SND1: variants seen among roughly 807,000 people sequenced by gnomAD.
SND1 encodes staphylococcal nuclease domain-containing protein 1.
In SND1, 38 loss-of-function variants were observed where a neutral mutation model predicts 121.7. The ratio of observed to expected loss-of-function variants is 0.31; its 90% CI spans 0.24 to 0.41. SND1 has a LOEUF of 0.41. Among genes scored for constraint, SND1 ranks in the 10% least tolerant of loss-of-function variants. The probability of loss-of-function intolerance (pLI) is 1.00; values close to 1 mark genes in which losing one functional copy is unlikely to be tolerated. For synonymous variants in SND1, 401 were observed against 447.4 expected (o/e 0.90, Z 1.31); for missense variants, 868 against 1,184.6 (o/e 0.73, Z 3.92).
At chr7:127,923,861 C>G (rs1800774114) in intron 14 of SND1, among the ~76,000 whole-genome samples, 1 of 152,126 alleles carries the variant, frequency 6.6e-6, no homozygotes. Flanking sequence ...CTTCAGTATC[C>G]TTAACGATTT....
intron 16 of SND1, chr7:128,031,912 G>A (rs1209265051): frequency 6.6e-6 from 1 of 151,130 alleles, no homozygotes; most frequent in Non-Finnish European, 1.5e-5. Context: ...GGCGTGAGCA[G>A]CGGGGGTCGC....
intron 8 of SND1, among the ~76,000 whole-genome samples, chr7:127,705,570 A>AAGATGTAGATGTAGATGT (rs755656199): frequency 4.8e-5 from 7 of 146,184 alleles, no homozygotes; most frequent in Non-Finnish European, 7.5e-5. Flanking sequence ...TGTCAGCGTC[A>AAGATGTAGATGTAGATGT]AGATGTAGAT....
chr7:127,909,084 T>C lies in SND1; in HGVS notation c.1527+4265T>C, dbSNP rs112048192. On this transcript the variant is annotated intron_variant, in intron 14 of 23. Transcript: ENST00000354725. ...CAATGAGTCATAGTGTATATCTGAG[T>C]TTTCTTCTCTGTCCTTTTCCTTTTG... is the stretch of plus-strand genomic sequence containing the variant. 6.1e-3 allele frequency among the ~76,000 whole-genome samples: 932 copies of C among 152,256 alleles called. 7 individuals carry two copies. Among genetic ancestry groups the C allele is most frequent in the African/African-American group, 0.021 (852 of 41,540 alleles).
intron 11 of SND1, among the ~76,000 whole-genome samples, chr7:127,808,510 A>G (rs912214374): frequency 6.6e-6 from 1 of 152,170 alleles, no homozygotes; most frequent in East Asian, 1.9e-4. Flanking sequence ...TAATACCAAA[A>G]TGGTGTATCC....
chr7:128,022,902 G>A (rs527266448), intron 16 of SND1, among the ~76,000 whole-genome samples: 26 of 152,282 alleles, frequency 1.7e-4, no homozygotes, highest in East Asian at 9.6e-4. Flanking sequence ...CAAAGCTGGC[G>A]TGTACCAGAG....
intron 15 of SND1, among the ~76,000 whole-genome samples, chr7:127,969,723 G>A (rs1021342695): frequency 1.3e-5 from 2 of 151,992 alleles, no homozygotes; most frequent in South Asian, 2.1e-4. Context: ...GCAAGACTCC[G>A]TCTCAAAAAC....
chr7:127,902,830 C>T (rs1180393834), intron 13 of SND1, among the ~76,000 whole-genome samples: 3 of 152,062 alleles, frequency 2.0e-5, no homozygotes, highest in Admixed American at 1.3e-4. Context: ...AGTTCTGCCT[C>T]AGCCTCCCAA....
chr7:127,895,532 T>TC (rs1800102551), intron 13 of SND1, among the ~76,000 whole-genome samples: 1 of 152,126 alleles, frequency 6.6e-6, no homozygotes, highest in Admixed American at 6.5e-5. Context: ...AGTGTCACGA[T>TC]CATGAGGTTG....
intron 10 of SND1, among the ~76,000 whole-genome samples, chr7:127,748,619 T>G (rs1797021818): frequency 1.3e-5 from 2 of 152,236 alleles, no homozygotes. Flanking sequence ...ACAAAATGTT[T>G]TTAAAAGTAA....
chr7:127,873,223 G>A (rs1429578402), intron 12 of SND1, among the ~76,000 whole-genome samples: 4 of 152,110 alleles, frequency 2.6e-5, no homozygotes, highest in African/African-American at 9.7e-5. Flanking sequence ...AGGTGGGTTA[G>A]GGAACCTCAC....
chr7:127,891,956 A>G (rs1362402360), intron 13 of SND1, among the ~76,000 whole-genome samples: 1 of 152,122 alleles, frequency 6.6e-6, no homozygotes, highest in Non-Finnish European at 1.5e-5. Flanking sequence ...TAGGTAAATA[A>G]TAGACAGGTC....
chr7:127,782,862 A>G (rs539510977), intron 10 of SND1, among the ~76,000 whole-genome samples: 102 of 152,308 alleles, frequency 6.7e-4, no homozygotes, highest in African/African-American at 2.4e-3. Flanking sequence ...CTGTATGTGT[A>G]TTCGTTATAG....
chr7:127,666,877 T>C (rs1795429476), intron 1 of SND1, among the ~76,000 whole-genome samples: 1 of 152,178 alleles, frequency 6.6e-6, no homozygotes, highest in Admixed American at 6.5e-5. Context: ...TTGCCAGCTG[T>C]GTTAGATGAT....
At chr7:127,740,441 T>G (rs1485368834) in intron 10 of SND1, among the ~76,000 whole-genome samples, 1 of 152,166 alleles carries the variant, frequency 6.6e-6, no homozygotes, top group African/African-American at 2.4e-5. Flanking sequence ...TCCACAAAAT[T>G]AGAGTCCCCA....
In SND1 at chr7:128,089,621, G is replaced by A; in HGVS notation, c.2551G>A (p.Val851Met). Residue 851 changes from valine (V) to methionine (M), a missense_variant, in exon 22 of 24, where the codon GTG becomes ATG. Around this residue, in one of 2 missense-constraint regions of SND1, gnomAD observed 743 missense variants for 1,071.3 expected, o/e 0.69. Coordinates refer to ENST00000354725, the MANE Select transcript of SND1 (RefSeq NM_014390.4). The stretch of plus-strand genomic sequence containing the variant: ...GCAGTTTGCAGATTCCAAGGGCGAT[G>A]TGGGGCTGGGCTTGGTGAAGGAAGG... ...TLQFADSKGDVGLGLVKEGLV... is the reference protein window; with the variant it reads ...TLQFADSKGDMGLGLVKEGLV... 2 of 1,614,220 alleles carry A rather than the reference G, an allele frequency of 1.2e-6. No homozygotes were observed. The highest frequency in any genetic ancestry group is 1.7e-6 in the Non-Finnish European group (2 of 1,180,042).
chr7:127,959,046 G>A (rs1801667424), intron 15 of SND1, among the ~76,000 whole-genome samples: 1 of 152,130 alleles, frequency 6.6e-6, no homozygotes, highest in South Asian at 2.1e-4. Context: ...GGGGTTTTTT[G>A]TTGTTGTTAT....
intron 16 of SND1, among the ~76,000 whole-genome samples, chr7:128,073,335 T>C (rs923767333): frequency 1.3e-5 from 2 of 152,232 alleles, no homozygotes; most frequent in African/African-American, 4.8e-5. Context: ...CAACTTCAGT[T>C]GTCATTGAAC....
intron 10 of SND1, among the ~76,000 whole-genome samples, chr7:127,747,305 C>T (rs1796999609): frequency 6.6e-6 from 1 of 152,208 alleles, no homozygotes; most frequent in Non-Finnish European, 1.5e-5. Flanking sequence ...GCACATGTGG[C>T]TGTGGAAAGG....
intron 11 of SND1, among the ~76,000 whole-genome samples, chr7:127,822,670 C>T (rs1167570892): frequency 6.6e-6 from 1 of 152,110 alleles, no homozygotes; most frequent in Non-Finnish European, 1.5e-5. Flanking sequence ...GTGTGTATTA[C>T]TCTAATCCTT....
Sources: allele counts gnomAD v4.1 joint callset (sites outside exome capture counted in the v4.1 genomes callset), GRCh38; gene constraint gnomAD v4.1.1; regional missense constraint gnomAD v4.1.1; transcripts MANE v1.5; gene names NCBI Gene and HGNC (gene_info 2026-07-23, HGNC 2026-07-21).